The following PPM1H variants were observed in gnomAD, a reference collection of about 807,000 sequenced individuals.
PPM1H encodes protein phosphatase, Mg2+/Mn2+ dependent 1H, also known as protein phosphatase 1H.
Under a neutral mutation model 54.9 loss-of-function variants are expected in PPM1H, and 27 were observed. The ratio of observed to expected loss-of-function variants is 0.49; its 90% CI spans 0.36 to 0.68. PPM1H has a LOEUF of 0.68. Ranked by LOEUF, PPM1H falls within the 30% of genes least tolerant of loss-of-function variation. The probability of loss-of-function intolerance (pLI) is 0.00; values close to 1 mark genes in which losing one functional copy is unlikely to be tolerated. For synonymous variants in PPM1H, 305 were observed against 270.8 expected (o/e 1.13, Z -1.24); for missense variants, 596 against 667.8 (o/e 0.89, Z 1.19).
chr12:62,713,592 G>A (rs1344349019), intron 6 of PPM1H, among the ~76,000 whole-genome samples: 1 of 152,214 alleles, frequency 6.6e-6, no homozygotes, highest in Non-Finnish European at 1.5e-5. Flanking sequence ...TGCTGACTCA[G>A]AGTCTGGCAT....
rs780418452 is a variant in PPM1H at position 62,667,340 on chromosome 12, A to C, written c.1246-11T>G. On this transcript the variant is annotated splice_polypyrimidine_tract_variant and intron_variant, in intron 8 of 9. Coordinates refer to ENST00000228705, the MANE Select transcript of PPM1H (RefSeq NM_020700.2). The stretch of plus-strand genomic sequence containing the variant: ...ATCGTAGATTCTTACCTGAAAAAAA[A>C]CAAGAATACTACCACTTAAGAAATT... The C allele has an allele frequency of 5.8e-6, 9 of 1,557,292 alleles. No individual in the cohort carries two copies. The highest frequency in any genetic ancestry group is 7.0e-6 in the Non-Finnish European group (8 of 1,146,750).
At chr12:62,926,788 G>C (rs1305443635) in intron 1 of PPM1H, among the ~76,000 whole-genome samples, 1 of 151,966 alleles carries the variant, frequency 6.6e-6, no homozygotes, top group Non-Finnish European at 1.5e-5. Context: ...AACCCCATCT[G>C]TACTAAAAAT....
intron 4 of PPM1H, among the ~76,000 whole-genome samples, chr12:62,757,996 T>C (rs1422409344): frequency 6.6e-6 from 1 of 152,180 alleles, no homozygotes; most frequent in Non-Finnish European, 1.5e-5. Flanking sequence ...AGCGCAGTAA[T>C]AGAGACAGTC....
intron 5 of PPM1H, among the ~76,000 whole-genome samples, chr12:62,727,207 T>C (rs138150446): frequency 1.3e-5 from 2 of 152,092 alleles, no homozygotes; most frequent in Admixed American, 6.5e-5. Context: ...TGCCCGGCCA[T>C]GTGTCCATCA....
intron 1 of PPM1H, among the ~76,000 whole-genome samples, chr12:62,852,335 G>A (rs2120937773): frequency 6.6e-6 from 1 of 151,742 alleles, no homozygotes; most frequent in Non-Finnish European, 1.5e-5. Flanking sequence ...AGAAACCCCT[G>A]GGAGCTCTCT....
chr12:62,778,990 A>G (rs1245307343), intron 4 of PPM1H, among the ~76,000 whole-genome samples: 3 of 152,020 alleles, frequency 2.0e-5, no homozygotes, highest in African/African-American at 7.2e-5. Flanking sequence ...AAAGGAAGGA[A>G]GGAAGAAAGA....
At chr12:62,835,039 T>C (rs922608039) in intron 1 of PPM1H, among the ~76,000 whole-genome samples, 1 of 152,180 alleles carries the variant, frequency 6.6e-6, no homozygotes, top group African/African-American at 2.4e-5. Flanking sequence ...GAACTTGGCA[T>C]CACTCTGACC....
chr12:62,839,252 A>G (rs1003374756), intron 1 of PPM1H, among the ~76,000 whole-genome samples: 24 of 150,684 alleles, frequency 1.6e-4, no homozygotes, highest in Admixed American at 2.6e-4. Flanking sequence ...TCTGGCTCCC[A>G]GGCTCTGTCT....
chr12:62,781,060 C>T (rs1245535599), intron 4 of PPM1H, among the ~76,000 whole-genome samples: 4 of 152,180 alleles, frequency 2.6e-5, no homozygotes, highest in Non-Finnish European at 4.4e-5. Flanking sequence ...TACACTTTCC[C>T]AGGGGCCCAA....
intron 6 of PPM1H, among the ~76,000 whole-genome samples, chr12:62,711,514 A>G (rs1290389938): frequency 6.6e-6 from 1 of 152,156 alleles, no homozygotes; most frequent in African/African-American, 2.4e-5. Flanking sequence ...CTACTTTAAG[A>G]GAGATTTTTA....
intron 4 of PPM1H, among the ~76,000 whole-genome samples, chr12:62,741,981 G>A (rs142485018): frequency 1.9e-4 from 29 of 152,024 alleles, no homozygotes; most frequent in South Asian, 1.5e-3. Flanking sequence ...CAAAAAGACG[G>A]CAGGCCTAAG....
At chr12:62,890,189 G>A (rs1565820977) in intron 1 of PPM1H, among the ~76,000 whole-genome samples, 2 of 152,284 alleles carry the variant, frequency 1.3e-5, no homozygotes, top group South Asian at 2.1e-4. Flanking sequence ...TGGACATGCC[G>A]GTGGCTCATG....
chr12:62,765,771 G>T (rs1175525937), intron 4 of PPM1H, among the ~76,000 whole-genome samples: 1 of 152,188 alleles, frequency 6.6e-6, no homozygotes, highest in East Asian at 1.9e-4. Flanking sequence ...AAGACCTCAA[G>T]GAAGAAGTGA....
intron 1 of PPM1H, among the ~76,000 whole-genome samples, chr12:62,836,630 T>C (rs1868510841): frequency 6.6e-6 from 1 of 151,680 alleles, no homozygotes; most frequent in Admixed American, 6.6e-5. Context: ...ATTAAGATTG[T>C]GTGTGTGTGT....
chr12:62,898,176 A>C (rs888319747), intron 1 of PPM1H, among the ~76,000 whole-genome samples: 4 of 152,240 alleles, frequency 2.6e-5, no homozygotes, highest in African/African-American at 9.6e-5. Flanking sequence ...ATGGATGCAT[A>C]ATAGATGCAA....
At chr12:62,668,386 C>A (rs2075932761) in intron 8 of PPM1H, among the ~76,000 whole-genome samples, 1 of 152,154 alleles carries the variant, frequency 6.6e-6, no homozygotes, top group Non-Finnish European at 1.5e-5. Flanking sequence ...TTCTGTCTTT[C>A]TAATTGAGAC....
intron 6 of PPM1H, among the ~76,000 whole-genome samples, chr12:62,702,574 G>GAGAC (rs2076150170): frequency 6.6e-6 from 1 of 151,672 alleles, no homozygotes; most frequent in South Asian, 2.1e-4. Flanking sequence ...GAGAGAGAGA[G>GAGAC]AGAGAGAAAT....
At position 62,648,508 on chromosome 12, in the gene PPM1H, T is replaced by C. The variant is rs370449571; in HGVS notation, c.1526A>G (p.His509Arg). 1.7e-5 allele frequency: 27 copies of C among 1,613,902 alleles called. No individual in the cohort carries two copies. The highest frequency in any genetic ancestry group is 2.3e-5 in the Non-Finnish European group (27 of 1,179,898). The change falls in exon 10 of 10, where the codon CAT (histidine) becomes CGT (arginine). Residue 509 changes from histidine (H) to arginine (R), a missense_variant. Transcript: ENST00000228705. ...DISVYVIPLI[H>R]GNKLS The stretch of plus-strand genomic sequence containing the variant: ...CCATTTTCATGACAGCTTGTTTCCA[T>C]GTATTAAAGGAATGACATATACAGA...
intron 2 of PPM1H, among the ~76,000 whole-genome samples, chr12:62,821,317 G>A (rs1408529706): frequency 6.6e-6 from 1 of 152,166 alleles, no homozygotes; most frequent in Non-Finnish European, 1.5e-5. Flanking sequence ...AAAGTGACAG[G>A]GAGAATGGAA....
Sources: gnomAD v4.1 joint callset for allele counts (sites outside exome capture counted in the v4.1 genomes callset) on GRCh38, gnomAD v4.1.1 for gene constraint, MANE v1.5 for transcripts, NCBI Gene and HGNC (gene_info 2026-07-23, HGNC 2026-07-21) for gene names.